The following ZMAT4 variants were observed in gnomAD, a reference collection of about 807,000 sequenced individuals.
The protein encoded by ZMAT4 is zinc finger matrin-type protein 4.
A neutral mutation model predicts 28.7 loss-of-function variants in ZMAT4; 17 were observed. The ratio of observed to expected loss-of-function variants is 0.59; its 90% CI spans 0.41 to 0.89. The LOEUF is 0.89. Ranked by LOEUF, ZMAT4 falls within the 40% of genes least tolerant of loss-of-function variation. The pLI is 0.00. For synonymous variants in ZMAT4, 117 were observed against 109.2 expected, an observed-to-expected ratio of 1.07 and a Z score of -0.44; for missense variants, 240 against 283.8, an observed-to-expected ratio of 0.85 and a Z score of 1.11.
At chr8:40,699,721 A>G (rs559229964) in intron 3 of ZMAT4, among the ~76,000 whole-genome samples, 16 of 152,218 alleles carry the variant, frequency 1.1e-4, no homozygotes, top group Admixed American at 5.9e-4. Context: ...GAATTATACC[A>G]TTTTTTTAAC....
intron 5 of ZMAT4, among the ~76,000 whole-genome samples, chr8:40,632,842 C>T (rs1806645728): frequency 6.6e-6 from 1 of 152,216 alleles, no homozygotes; most frequent in African/African-American, 2.4e-5. Context: ...CTCATCAAAA[C>T]TGTGATTCTC....
chr8:40,535,944 T>G (rs1362435040), intron 6 of ZMAT4, among the ~76,000 whole-genome samples: 1 of 152,138 alleles, frequency 6.6e-6, no homozygotes, highest in African/African-American at 2.4e-5. Context: ...ATGGTTTACA[T>G]GAAATGATAC....
chr8:40,551,477 G>A (rs1803367665), intron 6 of ZMAT4, among the ~76,000 whole-genome samples: 2 of 152,154 alleles, frequency 1.3e-5, no homozygotes, highest in East Asian at 1.9e-4. Flanking sequence ...GACTACTGTA[G>A]TGGTTACATG....
intron 6 of ZMAT4, among the ~76,000 whole-genome samples, chr8:40,567,990 A>G (rs1585695030): frequency 6.6e-6 from 1 of 152,304 alleles, no homozygotes; most frequent in East Asian, 1.9e-4. Context: ...TAAAATGAAA[A>G]ATGCAAATGG....
rs368901270 is a variant in ZMAT4 at position 40,542,578 on chromosome 8, G to A, written c.675-10340C>T. 2.3e-3 allele frequency among the ~76,000 whole-genome samples: 346 copies of A among 151,840 alleles called. 2 individuals are homozygous for A. Among genetic ancestry groups the A allele is most frequent in the African/African-American group, 7.8e-3 (324 of 41,360 alleles). ...TAAGTGTTTTATTTTTTGTAGATACGGTGTGGCACTATGTTGCCCAGGCTG... is the reference window on the plus strand; with the variant it reads ...TAAGTGTTTTATTTTTTGTAGATACAGTGTGGCACTATGTTGCCCAGGCTG... On this transcript the variant is annotated intron_variant, in intron 6 of 6. Coordinates refer to ENST00000297737, the MANE Select transcript of ZMAT4 (RefSeq NM_024645.3).
Position 40,812,935 on chromosome 8 carries a change from A to AAAATT in ZMAT4, c.102+12635_102+12639dup, listed in dbSNP as rs67062060. Among the ~76,000 whole-genome samples the AAAATT allele has an allele frequency of 4.0e-3, 312 of 78,028 alleles. 1 individual carries two copies. Among genetic ancestry groups the AAAATT allele is most frequent in the East Asian group, 0.012 (40 of 3,374 alleles). 51.2% of individuals were successfully genotyped at this position (78,028 alleles called of 152,430 possible). A position where few individuals can be genotyped will look rare whatever the true frequency, so the allele number is the denominator to read the frequency against. ...GCGACAAGAGCAAAACTCCATCTCAAAAATTAAATTAAATTAAATTAAATT... is the reference window on the plus strand; with the variant it reads ...GCGACAAGAGCAAAACTCCATCTCAAAAATTAAATTAAATTAAATTAAATTAAATT... On this transcript the variant is annotated intron_variant, in intron 2 of 6. Transcript: ENST00000297737.
At chr8:40,838,499 T>C (rs994224521) in intron 1 of ZMAT4, among the ~76,000 whole-genome samples, 1 of 152,188 alleles carries the variant, frequency 6.6e-6, no homozygotes, top group African/African-American at 2.4e-5. Context: ...TGTGCCACCA[T>C]GCCCAGCTAA....
At chr8:40,797,637 A>G (rs776186790) in intron 2 of ZMAT4, among the ~76,000 whole-genome samples, 19 of 152,158 alleles carry the variant, frequency 1.2e-4, no homozygotes, top group Non-Finnish European at 2.4e-4. Context: ...CCTCTAAGGA[A>G]CAGCATGCAA....
intron 1 of ZMAT4, among the ~76,000 whole-genome samples, chr8:40,882,552 C>T (rs906604008): frequency 3.3e-5 from 5 of 152,202 alleles, no homozygotes; most frequent in African/African-American, 9.6e-5. Flanking sequence ...GACCTGGCCA[C>T]CCCAGCCCCC....
At chr8:40,829,488 C>T (rs1044013357) in intron 1 of ZMAT4, among the ~76,000 whole-genome samples, 6 of 152,096 alleles carry the variant, frequency 3.9e-5, no homozygotes, top group African/African-American at 1.2e-4. Flanking sequence ...TGGTGTGAGG[C>T]TCAGAGGTGC....
chr8:40,719,824 A>G (rs1319559298), intron 3 of ZMAT4, among the ~76,000 whole-genome samples: 1 of 152,068 alleles, frequency 6.6e-6, no homozygotes, highest in African/African-American at 2.4e-5. Context: ...GCCCCCCCTC[A>G]GCCTCCCAAA....
intron 1 of ZMAT4, among the ~76,000 whole-genome samples, chr8:40,895,920 A>C (rs1818854276): frequency 6.6e-6 from 1 of 152,122 alleles, no homozygotes; most frequent in Non-Finnish European, 1.5e-5. Context: ...GTCCATGACT[A>C]ACCATGCCCA....
intron 1 of ZMAT4, among the ~76,000 whole-genome samples, chr8:40,845,822 G>C (rs1236479728): frequency 6.6e-6 from 1 of 151,594 alleles, no homozygotes; most frequent in African/African-American, 2.4e-5. Flanking sequence ...GGGTGGAGGG[G>C]GCAGGGAGGG....
intron 6 of ZMAT4, among the ~76,000 whole-genome samples, chr8:40,574,335 A>G (rs1370321200): frequency 1.3e-5 from 2 of 152,164 alleles, no homozygotes; most frequent in African/African-American, 4.8e-5. Flanking sequence ...AATGAATGGA[A>G]ATAAATTTTT....
At position 40,612,219 on chromosome 8, in the gene ZMAT4, A is replaced by ACTGCAACCTCCGCCTGCCAGGT. The variant is rs1343159518; in HGVS notation, c.578-30959_578-30958insACCTGGCAGGCGGAGGTTGCAG. ...ATGAACACTCAATCAATGCTCATTCATATCCTCTGTCTTCTTTCTCTTAGA... is the reference window on the plus strand; with the variant it reads ...ATGAACACTCAATCAATGCTCATTCACTGCAACCTCCGCCTGCCAGGTTATCCTCTGTCTTCTTTCTCTTAGA... On this transcript the variant is annotated intron_variant, in intron 5 of 6. Coordinates refer to ENST00000297737, the MANE Select transcript of ZMAT4 (RefSeq NM_024645.3). Among the ~76,000 whole-genome samples, 22 of 141,258 alleles carry ACTGCAACCTCCGCCTGCCAGGT rather than the reference A, an allele frequency of 1.6e-4. 2 individuals are homozygous for ACTGCAACCTCCGCCTGCCAGGT. Among genetic ancestry groups the ACTGCAACCTCCGCCTGCCAGGT allele is most frequent in the Middle Eastern group, 3.8e-3 (1 of 264 alleles). The allele number at this position is 141,258 out of a possible 152,430, so 92.7% of individuals were successfully genotyped here.
chr8:40,567,806 C>T (rs1054334989), intron 6 of ZMAT4, among the ~76,000 whole-genome samples: 2 of 151,920 alleles, frequency 1.3e-5, no homozygotes, highest in Non-Finnish European at 2.9e-5. Flanking sequence ...AGAGATGTCT[C>T]TGTCATGCAT....
intron 3 of ZMAT4, among the ~76,000 whole-genome samples, chr8:40,730,891 G>T (rs1400912006): frequency 2.0e-5 from 3 of 152,146 alleles, no homozygotes; most frequent in African/African-American, 7.2e-5. Context: ...CCAAGAGAAG[G>T]CTTGAACAGT....
chr8:40,551,337 G>A (rs535200388), intron 6 of ZMAT4, among the ~76,000 whole-genome samples: 2 of 152,236 alleles, frequency 1.3e-5, no homozygotes, highest in South Asian at 4.1e-4. Context: ...TTCCTTGAAG[G>A]AAGAACAGAA....
chr8:40,888,920 C>T (rs1050402757), intron 1 of ZMAT4, among the ~76,000 whole-genome samples: 3 of 152,200 alleles, frequency 2.0e-5, no homozygotes, highest in African/African-American at 4.8e-5. Context: ...GGCTTCACAC[C>T]TTCTTGCAGA....
Sources: allele counts gnomAD v4.1 joint callset (sites outside exome capture counted in the v4.1 genomes callset), GRCh38; gene constraint gnomAD v4.1.1; transcripts MANE v1.5; gene names NCBI Gene and HGNC (gene_info 2026-07-23, HGNC 2026-07-21).